Variants in TRAPPC12 observed in about 807,000 individuals in gnomAD.
TRAPPC12 encodes TPR repeat protein 15.
TRAPPC12 carries 61 observed loss-of-function variants against 69.2 expected under a neutral mutation model. The observed-to-expected ratio is 0.88, with a 90% CI of 0.72 to 1.09. The LOEUF (loss-of-function observed/expected upper bound fraction) is 1.09. Among genes scored for constraint, TRAPPC12 ranks in the 50% least tolerant of loss-of-function variants. TRAPPC12 has a pLI of 0.00. For synonymous variants in TRAPPC12, 469 were observed against 438.9 expected, an observed-to-expected ratio of 1.07 and a Z score of -0.86; for missense variants, 1,101 against 1,016.4, an observed-to-expected ratio of 1.08 and a Z score of -1.13.
intron 5 of TRAPPC12, among the ~76,000 whole-genome samples, chr2:3,426,984 G>A (rs895668105): frequency 3.9e-5 from 6 of 152,280 alleles, no homozygotes; most frequent in African/African-American, 9.6e-5. Context: ...TCCTTTCCGT[G>A]TAAGACCGAA....
chr2:3,444,026 T>A (rs1664373179), intron 6 of TRAPPC12, 135 bp downstream of exon 6: 1 of 649,152 alleles, frequency 1.5e-6, no homozygotes, highest in Admixed American at 2.6e-5. Flanking sequence ...GAAGGCTAGG[T>A]GACCCGGTTT....
chr2:3,479,356 C>G lies in TRAPPC12; in HGVS notation c.2103C>G (p.Tyr701Ter), dbSNP rs532533220. ...TGCTCTTCAACCTGACCACCATGTA[C>G]GAGCTGGAGTCCTCACGGAGCATGC... Reference protein sequence around the residue: ...ESVLFNLTTMYELESSRSMQK... With the variant: ...ESVLFNLTTM The change falls in exon 12 of 12, where the codon TAC becomes TAG. Residue 701 changes from tyrosine (Y) to a stop codon, truncating the protein, a stop_gained. Coordinates refer to ENST00000324266, the MANE Select transcript of TRAPPC12 (RefSeq NM_016030.6). LOFTEE classifies it high-confidence loss of function. The G allele has an allele frequency of 6.2e-7, 1 of 1,614,202 alleles. No individual in the cohort carries two copies. Among genetic ancestry groups the G allele is most frequent in the East Asian group, 2.2e-5 (1 of 44,890 alleles).
intron 10 of TRAPPC12, among the ~76,000 whole-genome samples, chr2:3,478,405 C>T (rs913600945): frequency 6.6e-6 from 1 of 152,112 alleles, no homozygotes; most frequent in Admixed American, 6.5e-5. Flanking sequence ...AGCTGAGGCA[C>T]GTAGATCACT....
chr2:3,412,327 G>A lies in TRAPPC12; in HGVS notation c.1165-9554G>A, dbSNP rs564142468. Among the ~76,000 whole-genome samples the A allele has an allele frequency of 5.9e-5, 9 of 152,236 alleles. No homozygotes were observed. The South Asian group carries it at 8.3e-4, about 14-fold the overall frequency. On this transcript the variant is annotated intron_variant, in intron 3 of 11. Transcript: ENST00000324266. ...TTTAATCCCAGCACTTTGGGAGGCC[G>A]AGGCAGGTGGATCACCTGAGGTCAG...
In TRAPPC12 at chr2:3,388,578, G is replaced by A. The variant is rs144959917; in HGVS notation, c.955G>A (p.Val319Ile). 1 of 1,612,192 alleles carries A rather than the reference G, an allele frequency of 6.2e-7. No individual in the cohort carries two copies. Among genetic ancestry groups the A allele is most frequent in the Non-Finnish European group, 8.5e-7 (1 of 1,179,400 alleles). ...AWLPGEATRGVLRAVATQQRG... is the reference protein window; with the variant it reads ...AWLPGEATRGILRAVATQQRG... The stretch of plus-strand genomic sequence containing the variant: ...GCTTCCCGGCGAGGCTACGCGTGGA[G>A]TCCTGCGGGCCGTGGCCACCCAGCA... The change falls in exon 2 of 12, where the codon GTC (valine) becomes ATC (isoleucine). Residue 319 changes from valine (V) to isoleucine (I), a missense_variant. Val to Ile is a conservative substitution (Grantham distance 29). Coordinates refer to ENST00000324266, the MANE Select transcript of TRAPPC12 (RefSeq NM_016030.6).
intron 3 of TRAPPC12, among the ~76,000 whole-genome samples, chr2:3,418,752 C>G (rs908756537): frequency 6.6e-6 from 1 of 152,012 alleles, no homozygotes; most frequent in African/African-American, 2.4e-5. Flanking sequence ...GGAACATCCT[C>G]ATAGCTTTAC....
chr2:3,441,714 A>T (rs973375881), intron 5 of TRAPPC12, among the ~76,000 whole-genome samples: 24 of 141,492 alleles, frequency 1.7e-4, no homozygotes, highest in African/African-American at 5.7e-4. Context: ...TAATATTTTT[A>T]TTATTTTCTT....
At chr2:3,460,504 G>C (rs1464030097) in intron 8 of TRAPPC12, 168 bp downstream of exon 8, 7 of 519,960 alleles carry the variant, frequency 1.3e-5, no homozygotes, top group African/African-American at 1.2e-4. Flanking sequence ...GGGGCTATAT[G>C]TACTTTATTT....
intron 3 of TRAPPC12, among the ~76,000 whole-genome samples, chr2:3,404,700 C>T (rs1661629379): frequency 6.6e-6 from 1 of 152,030 alleles, no homozygotes; most frequent in Admixed American, 6.5e-5. Flanking sequence ...TCTGAGGACC[C>T]AGCACGGTCA....
intron 5 of TRAPPC12, among the ~76,000 whole-genome samples, chr2:3,430,446 A>G (rs1663362376): frequency 6.6e-6 from 1 of 152,178 alleles, no homozygotes; most frequent in Non-Finnish European, 1.5e-5. Flanking sequence ...CTGCCGAATT[A>G]TGTGTCCTTT....
At chr2:3,432,810 A>G (rs553667369) in intron 5 of TRAPPC12, among the ~76,000 whole-genome samples, 1 of 152,300 alleles carries the variant, frequency 6.6e-6, no homozygotes, top group African/African-American at 2.4e-5. Flanking sequence ...AGAACACCCA[A>G]ATGGAGACCT....
chr2:3,457,764 G>C, intron 7 of TRAPPC12, 71 bp downstream of exon 7: 1 of 1,578,882 alleles, frequency 6.3e-7, no homozygotes, highest in Non-Finnish European at 8.6e-7. Flanking sequence ...AAAGCCTCTC[G>C]CTTCCTCTCC....
chr2:3,415,720 C>CT (rs71396990), intron 3 of TRAPPC12, among the ~76,000 whole-genome samples: 79,725 of 134,224 alleles, frequency 0.59, 23,698 homozygotes, highest in African/African-American at 0.64. Context: ...CACTTCTTTT[C>CT]TTTTTTTTTT....
intron 5 of TRAPPC12, among the ~76,000 whole-genome samples, chr2:3,429,416 G>A (rs1663302580): frequency 1.3e-5 from 2 of 152,206 alleles, no homozygotes; most frequent in Non-Finnish European, 2.9e-5. Flanking sequence ...TCTGAAAATT[G>A]AACTTCACTT....
At chr2:3,410,038 T>A (rs1661970728) in intron 3 of TRAPPC12, among the ~76,000 whole-genome samples, 1 of 152,196 alleles carries the variant, frequency 6.6e-6, no homozygotes, top group African/African-American at 2.4e-5. Flanking sequence ...CTGCCCAGAC[T>A]CTCTCTGCCA....
chr2:3,478,710 C>T (rs1666407770), intron 10 of TRAPPC12, 136 bp from the exon 11 acceptor site: 1 of 668,676 alleles, frequency 1.5e-6, no homozygotes, highest in South Asian at 1.9e-5. Flanking sequence ...ACCGCCTCTA[C>T]CTGGAGATCA....
Position 3,384,416 on chromosome 2 carries a change from G to A in TRAPPC12, c.-4-3204G>A, listed in dbSNP as rs576553310. ...TACTTTTAAAGAGAATGCTTTAAAC[G>A]TTTCACTGTTAATTTGAGGTTTCCT... On this transcript the variant is annotated intron_variant, in intron 1 of 11. Coordinates refer to ENST00000324266, the MANE Select transcript of TRAPPC12 (RefSeq NM_016030.6). Among the ~76,000 whole-genome samples the A allele has an allele frequency of 6.6e-5, 10 of 152,164 alleles. No homozygotes were observed. In the South Asian group the frequency reaches 8.3e-4, roughly 13 times the overall value.
chr2:3,398,512 G>A (rs571497890), intron 2 of TRAPPC12, among the ~76,000 whole-genome samples: 2 of 152,356 alleles, frequency 1.3e-5, no homozygotes, highest in South Asian at 2.1e-4. Flanking sequence ...AAAGCTCAGC[G>A]TGTTCTGTGC....
intron 3 of TRAPPC12, among the ~76,000 whole-genome samples, chr2:3,407,210 T>A (rs1362027333): frequency 6.6e-6 from 1 of 152,186 alleles, no homozygotes; most frequent in African/African-American, 2.4e-5. Flanking sequence ...TCCCTTTGAG[T>A]CTTAGATGGA....
Sources: allele counts gnomAD v4.1 joint callset (sites outside exome capture counted in the v4.1 genomes callset), GRCh38; gene constraint gnomAD v4.1.1; transcripts MANE v1.5; gene names NCBI Gene and HGNC (gene_info 2026-07-23, HGNC 2026-07-21).